SDK1: variants seen among roughly 807,000 people sequenced by gnomAD.
SDK1 encodes protein sidekick-1.
SDK1 carries 157 observed loss-of-function variants against 245.5 expected under a neutral mutation model. The ratio of observed to expected loss-of-function variants is 0.64; its 90% CI spans 0.56 to 0.73. SDK1 has a LOEUF of 0.73. SDK1 is among the 30% of genes least tolerant of loss of function. The pLI, the probability that SDK1 is intolerant of heterozygous loss-of-function variation, is 0.00. For synonymous variants in SDK1, 1,647 were observed against 1,278.5 expected (o/e 1.29, Z -6.15); for missense variants, 3,583 against 3,002.3 (o/e 1.19, Z -4.52).
chr7:3,702,315 G>A (rs1307462812), intron 4 of SDK1, among the ~76,000 whole-genome samples: 1 of 152,114 alleles, frequency 6.6e-6, no homozygotes, highest in Non-Finnish European at 1.5e-5. Context: ...GGCAAAAGAC[G>A]AGACATTTTA....
intron 29 of SDK1, among the ~76,000 whole-genome samples, chr7:4,148,540 G>A (rs1780142665): frequency 6.6e-6 from 1 of 152,174 alleles, no homozygotes; most frequent in South Asian, 2.1e-4. Context: ...TTAGGCCCTG[G>A]GTGACTGCAA....
At chr7:3,902,513 T>C (rs1305142584) in intron 5 of SDK1, among the ~76,000 whole-genome samples, 1 of 152,238 alleles carries the variant, frequency 6.6e-6, no homozygotes, top group Non-Finnish European at 1.5e-5. Context: ...AGATATTGAG[T>C]TCTAAACTTT....
intron 19 of SDK1, among the ~76,000 whole-genome samples, chr7:4,063,249 A>G (rs914635626): frequency 6.6e-6 from 1 of 152,252 alleles, no homozygotes; most frequent in African/African-American, 2.4e-5. Flanking sequence ...AAATTTGGTG[A>G]GGTTGCAGGA....
At chr7:4,236,026 C>A (rs998185074) in intron 41 of SDK1, among the ~76,000 whole-genome samples, 3 of 152,244 alleles carry the variant, frequency 2.0e-5, no homozygotes, top group Non-Finnish European at 4.4e-5. Flanking sequence ...CTACTTCTGT[C>A]TTTTGGATTT....
chr7:3,538,133 A>T (rs1304079675), intron 1 of SDK1, among the ~76,000 whole-genome samples: 1 of 152,142 alleles, frequency 6.6e-6, no homozygotes, highest in East Asian at 1.9e-4. Context: ...ATTTCTTAGC[A>T]TGACATCCAG....
At chr7:4,227,724 C>T (rs1484890249) in intron 40 of SDK1, among the ~76,000 whole-genome samples, 1 of 152,230 alleles carries the variant, frequency 6.6e-6, no homozygotes, top group Non-Finnish European at 1.5e-5. Context: ...GCCCTAATAC[C>T]TGCAGCACGC....
intron 29 of SDK1, among the ~76,000 whole-genome samples, chr7:4,148,556 A>G (rs1780143845): frequency 6.6e-6 from 1 of 152,192 alleles, no homozygotes; most frequent in African/African-American, 2.4e-5. Context: ...TGCAAGAAGG[A>G]GGAAATTCAG....
intron 17 of SDK1, among the ~76,000 whole-genome samples, chr7:4,035,574 A>C (rs1224317831): frequency 6.6e-6 from 1 of 152,208 alleles, no homozygotes; most frequent in African/African-American, 2.4e-5. Context: ...AAAGCAACTA[A>C]GTGATTATGT....
intron 4 of SDK1, among the ~76,000 whole-genome samples, chr7:3,658,321 T>TTGG (rs1562636536): frequency 1.1e-4 from 17 of 152,192 alleles, no homozygotes; most frequent in Non-Finnish European, 2.5e-4. Context: ...TGACAGCCCC[T>TTGG]AATATCGAGG....
intron 5 of SDK1, among the ~76,000 whole-genome samples, chr7:3,847,653 C>G (rs957741241): frequency 6.6e-6 from 1 of 152,148 alleles, no homozygotes; most frequent in African/African-American, 2.4e-5. Context: ...ACTGTTTATC[C>G]TAAAGGAATT....
At chr7:3,369,816 C>G (rs1781178562) in intron 1 of SDK1, among the ~76,000 whole-genome samples, 1 of 152,172 alleles carries the variant, frequency 6.6e-6, no homozygotes, top group Non-Finnish European at 1.5e-5. Context: ...AGATTTTTCA[C>G]TTATTAAGAG....
intron 4 of SDK1, among the ~76,000 whole-genome samples, chr7:3,699,873 T>C (rs929957087): frequency 1.3e-5 from 2 of 151,894 alleles, no homozygotes; most frequent in Non-Finnish European, 2.9e-5. Flanking sequence ...AATCCCAAGA[T>C]CAAAGAAATG....
At chr7:3,666,891 C>T (rs993852960) in intron 4 of SDK1, among the ~76,000 whole-genome samples, 6 of 152,098 alleles carry the variant, frequency 3.9e-5, no homozygotes, top group African/African-American at 1.4e-4. Context: ...ATCTGCTATC[C>T]GTCACAAGAG....
chr7:3,360,250 GAC>G (rs1246237204), intron 1 of SDK1, among the ~76,000 whole-genome samples: 2 of 152,158 alleles, frequency 1.3e-5, no homozygotes, highest in African/African-American at 4.8e-5. Flanking sequence ...CCAAATACCT[GAC>G]ACAGCAGGTG....
intron 1 of SDK1, among the ~76,000 whole-genome samples, chr7:3,568,718 G>A (rs1780006009): frequency 6.6e-6 from 1 of 152,158 alleles, no homozygotes; most frequent in Non-Finnish European, 1.5e-5. Flanking sequence ...GATAGATGTG[G>A]CCTTTGGTAG....
intron 22 of SDK1, among the ~76,000 whole-genome samples, chr7:4,104,821 G>GCCT (rs1265676912): frequency 2.0e-5 from 3 of 152,008 alleles, no homozygotes; most frequent in Non-Finnish European, 2.9e-5. Context: ...CCCTGCATCA[G>GCCT]CCTCCTGAGT....
chr7:4,197,684 C>T (rs1783663563), intron 35 of SDK1, among the ~76,000 whole-genome samples: 1 of 152,160 alleles, frequency 6.6e-6, no homozygotes, highest in Admixed American at 6.5e-5. Context: ...TCTTTGCTGG[C>T]CTGGCCTGTT....
At chr7:3,785,903 G>C (rs1475373314) in intron 4 of SDK1, among the ~76,000 whole-genome samples, 2 of 152,214 alleles carry the variant, frequency 1.3e-5, no homozygotes, top group African/African-American at 4.8e-5. Flanking sequence ...AAAATAGTGA[G>C]AGAAATATTC....
intron 1 of SDK1, among the ~76,000 whole-genome samples, chr7:3,588,899 T>C (rs1178501084): frequency 1.3e-5 from 2 of 152,234 alleles, no homozygotes; most frequent in Non-Finnish European, 2.9e-5. Context: ...TTTTTATGTG[T>C]TTTGGCTTAT....
Sources: gnomAD v4.1 joint callset for allele counts (sites outside exome capture counted in the v4.1 genomes callset) on GRCh38, gnomAD v4.1.1 for gene constraint, MANE v1.5 for transcripts, NCBI Gene and HGNC (gene_info 2026-07-23, HGNC 2026-07-21) for gene names.